Variants in PDE3B observed in about 807,000 individuals in gnomAD.
PDE3B encodes the protein cGMP-inhibited 3',5'-cyclic phosphodiesterase 3B.
A neutral mutation model predicts 116.8 loss-of-function variants in PDE3B; 66 were observed. The ratio of observed to expected loss-of-function variants is 0.56; its 90% CI spans 0.46 to 0.69. PDE3B has a LOEUF of 0.69. Among genes scored for constraint, PDE3B ranks in the 30% least tolerant of loss-of-function variants. PDE3B has a pLI of 0.00. For missense variants in PDE3B, 1,384 were observed against 1,368.1 expected (o/e 1.01, Z -0.18); for synonymous variants, 595 against 533.6 (o/e 1.12, Z -1.59).
chr11:14,778,057 C>A (rs1229345277), intron 2 of PDE3B, among the ~76,000 whole-genome samples: 1 of 152,184 alleles, frequency 6.6e-6, no homozygotes, highest in East Asian at 1.9e-4. Flanking sequence ...CCCACGGAAC[C>A]TCGCTCATTG....
chr11:14,859,251 G>C lies in PDE3B; in HGVS notation c.2724+5G>C. 1 of 1,595,080 alleles carries C rather than the reference G, an allele frequency of 6.3e-7. No homozygotes were observed. Among genetic ancestry groups the C allele is most frequent in the Non-Finnish European group, 8.6e-7 (1 of 1,169,490 alleles). On this transcript the variant is annotated splice_donor_5th_base_variant and intron_variant, in intron 13 of 15. Coordinates refer to ENST00000282096, the MANE Select transcript of PDE3B (RefSeq NM_000922.4). Reference sequence around the variant, plus strand: ...CTCGCAGAATTCAATGCCAAGGTTTGTTATGAAAATTAGTGCCTGATTTAA... The same window carrying C: ...CTCGCAGAATTCAATGCCAAGGTTTCTTATGAAAATTAGTGCCTGATTTAA...
chr11:14,813,358 T>C (rs7944633), intron 5 of PDE3B, among the ~76,000 whole-genome samples: 18,165 of 152,162 alleles, frequency 0.12, 1,378 homozygotes, highest in African/African-American at 0.22. Context: ...TCCAGAGGCC[T>C]TCCTAGAGCT....
intron 1 of PDE3B, among the ~76,000 whole-genome samples, chr11:14,695,759 C>T (rs1855188815): frequency 6.6e-6 from 1 of 151,830 alleles, no homozygotes; most frequent in Non-Finnish European, 1.5e-5. Flanking sequence ...TAAGTAAGAA[C>T]ATGCAGTGTT....
intron 1 of PDE3B, among the ~76,000 whole-genome samples, chr11:14,679,747 T>C (rs1854642112): frequency 6.6e-6 from 1 of 151,694 alleles, no homozygotes; most frequent in Non-Finnish European, 1.5e-5. Context: ...AATCTTCTTT[T>C]CTTACACTAA....
At chr11:14,693,403 G>GAAGA (rs1423243503) in intron 1 of PDE3B, among the ~76,000 whole-genome samples, 1 of 152,216 alleles carries the variant, frequency 6.6e-6, no homozygotes, top group Non-Finnish European at 1.5e-5. Context: ...TAGCTAGAGA[G>GAAGA]AAGAGGTCAA....
intron 1 of PDE3B, among the ~76,000 whole-genome samples, chr11:14,692,345 A>G (rs1333640480): frequency 6.6e-6 from 1 of 152,154 alleles, no homozygotes; most frequent in African/African-American, 2.4e-5. Flanking sequence ...AAGATTTTGT[A>G]TGACTGTTTT....
intron 1 of PDE3B, among the ~76,000 whole-genome samples, chr11:14,675,377 A>G (rs376500148): frequency 6.6e-6 from 1 of 151,670 alleles, no homozygotes; most frequent in South Asian, 2.1e-4. Flanking sequence ...TTTTTTGCTT[A>G]TTTAAAAAAA....
chr11:14,876,790 GAA>G (rs1397715251), downstream of PDE3B, among the ~76,000 whole-genome samples: 4 of 152,088 alleles, frequency 2.6e-5, no homozygotes, highest in African/African-American at 9.7e-5. Flanking sequence ...TTCAGAGGTG[GAA>G]AGACACAGGA....
At chr11:14,896,535 CA>C in the PDE3B span, among the ~76,000 whole-genome samples, 1 of 152,060 alleles carries the variant, frequency 6.6e-6, no homozygotes, top group African/African-American at 2.4e-5. Flanking sequence ...TTCAAGATGC[CA>C]AACATTTTTG....
intron 3 of PDE3B, among the ~76,000 whole-genome samples, chr11:14,787,138 C>T (rs894687870): frequency 3.9e-5 from 6 of 151,916 alleles, no homozygotes; most frequent in African/African-American, 1.2e-4. Context: ...CCCCCTTTTA[C>T]ACCTACTGAA....
At chr11:14,736,766 A>G (rs1199259989) in intron 1 of PDE3B, among the ~76,000 whole-genome samples, 1 of 152,222 alleles carries the variant, frequency 6.6e-6, no homozygotes, top group Non-Finnish European at 1.5e-5. Context: ...GAAGGGAGAA[A>G]TGAAGGTTCC....
chr11:14,852,396 A>G (rs1847771094), intron 12 of PDE3B, among the ~76,000 whole-genome samples: 1 of 152,154 alleles, frequency 6.6e-6, no homozygotes, highest in South Asian at 2.1e-4. Context: ...CGTAAAGTAT[A>G]TCTTCCCTCA....
At chr11:14,796,479 T>TCC (rs768381197) in intron 4 of PDE3B, among the ~76,000 whole-genome samples, 2 of 152,024 alleles carry the variant, frequency 1.3e-5, no homozygotes, top group Non-Finnish European at 2.9e-5. Context: ...TAATTTACAC[T>TCC]CACCAACAGT....
At chr11:14,785,053 G>A (rs565648332) in intron 2 of PDE3B, among the ~76,000 whole-genome samples, 1 of 152,178 alleles carries the variant, frequency 6.6e-6, no homozygotes, top group African/African-American at 2.4e-5. Flanking sequence ...CTATCAGATA[G>A]GGATTAATTA....
At chr11:14,853,144 A>G (rs1009926476) in intron 12 of PDE3B, among the ~76,000 whole-genome samples, 3 of 151,658 alleles carry the variant, frequency 2.0e-5, no homozygotes, top group South Asian at 2.1e-4. Context: ...AGATATCCGT[A>G]TACGCATTTT....
intron 3 of PDE3B, among the ~76,000 whole-genome samples, chr11:14,787,420 T>C (rs1858243101): frequency 6.6e-6 from 1 of 151,962 alleles, no homozygotes. Context: ...ATAAGGAAAC[T>C]AACCAAGAGA....
chr11:14,845,342 T>C (rs1407670673), intron 12 of PDE3B, among the ~76,000 whole-genome samples: 1 of 151,688 alleles, frequency 6.6e-6, no homozygotes, highest in East Asian at 1.9e-4. Flanking sequence ...CATCTGTACA[T>C]CACCATCATC....
At chr11:14,658,854 C>T (rs967145373) in intron 1 of PDE3B, among the ~76,000 whole-genome samples, 5 of 152,130 alleles carry the variant, frequency 3.3e-5, no homozygotes, top group African/African-American at 9.7e-5. Context: ...ATTTTATGTC[C>T]TTTAAATTCA....
chr11:14,833,003 T>C (rs1359092113), intron 10 of PDE3B, among the ~76,000 whole-genome samples, 170 bp downstream of exon 10: 1 of 151,714 alleles, frequency 6.6e-6, no homozygotes, highest in African/African-American at 2.4e-5. Context: ...CAGGCTGGAG[T>C]GCAATGGCGC....
Sources: allele counts gnomAD v4.1 joint callset (sites outside exome capture counted in the v4.1 genomes callset), GRCh38; gene constraint gnomAD v4.1.1; transcripts MANE v1.5; gene names NCBI Gene and HGNC (gene_info 2026-07-23, HGNC 2026-07-21).